The following ESRRG variants were observed in gnomAD, a reference collection of about 807,000 sequenced individuals.
ESRRG encodes the protein estrogen-related receptor gamma.
ESRRG carries 13 observed loss-of-function variants against 44.0 expected under a neutral mutation model. The ratio of observed to expected loss-of-function variants is 0.30; its 90% CI spans 0.19 to 0.47. ESRRG has a LOEUF of 0.47. Among genes scored for constraint, ESRRG ranks in the 20% least tolerant of loss-of-function variants. The pLI is 1.00. For missense variants in ESRRG, 395 were observed against 580.6 expected (o/e 0.68, Z 3.29); for synonymous variants, 215 against 214.6 (o/e 1.00, Z -0.02).
At chr1:216,676,981 ATGATACT>A in intron 2 of ESRRG, 88 bp downstream of exon 2, 2 of 853,288 alleles carry the variant, frequency 2.3e-6, no homozygotes, top group Non-Finnish European at 3.7e-6. Context: ...AATTAAAACT[ATGATACT>A]TGACTTATGA....
chr1:216,943,907 A>G (rs1445428807), intron 1 of ESRRG, among the ~76,000 whole-genome samples: 1 of 152,196 alleles, frequency 6.6e-6, no homozygotes, highest in African/African-American at 2.4e-5. Flanking sequence ...CAAGCAAGCT[A>G]CTGGATGCTG....
intron 6 of ESRRG, among the ~76,000 whole-genome samples, chr1:216,517,921 A>G (rs1472637071): frequency 6.6e-6 from 1 of 152,218 alleles, no homozygotes; most frequent in African/African-American, 2.4e-5. Context: ...CAAATAGGAA[A>G]GTACAACTCC....
intron 2 of ESRRG, among the ~76,000 whole-genome samples, chr1:216,741,467 C>T (rs1373808115): frequency 6.9e-6 from 1 of 144,554 alleles, no homozygotes; most frequent in African/African-American, 2.5e-5. Context: ...CCTACACATA[C>T]ACACACACAC....
rs1353208604 is a variant in ESRRG, at chr1:216,826,200, A to AC, written c.-14+113381_-14+113382insG. On this transcript the variant is annotated intron_variant, in intron 2 of 7. Coordinates refer to the ESRRG transcript ENST00000359162. Reference sequence around the variant, plus strand: ...AATTGTTTAAGGACAAAAAAAAAAAAAAACACACACACACACCCATAGGGA... The same window carrying AC: ...AATTGTTTAAGGACAAAAAAAAAAAACAAACACACACACACACCCATAGGGA... 9.1e-3 allele frequency among the ~76,000 whole-genome samples: 1,382 copies of AC among 151,316 alleles called. 19 individuals are homozygous for AC. Among genetic ancestry groups the AC allele is most frequent in the African/African-American group, 0.028 (1,133 of 41,170 alleles).
At chr1:216,899,849 T>C (rs951611083) in intron 2 of ESRRG, among the ~76,000 whole-genome samples, 3 of 152,070 alleles carry the variant, frequency 2.0e-5, no homozygotes, top group African/African-American at 7.2e-5. Flanking sequence ...AAGGTGAGTC[T>C]GGCAGATGCT....
intron 2 of ESRRG, among the ~76,000 whole-genome samples, chr1:216,932,136 A>C (rs1021839145): frequency 6.6e-5 from 10 of 152,160 alleles, no homozygotes; most frequent in African/African-American, 2.4e-4. Flanking sequence ...TCCAGGAGGC[A>C]GAAGTTGCAG....
intron 5 of ESRRG, among the ~76,000 whole-genome samples, chr1:216,536,773 T>A (rs900078094): frequency 3.3e-5 from 5 of 152,104 alleles, no homozygotes; most frequent in African/African-American, 1.2e-4. Flanking sequence ...CCATTTATCA[T>A]GAGCTGGGCA....
intron 3 of ESRRG, among the ~76,000 whole-genome samples, chr1:216,601,093 A>AGCGGGTTGGGGAGCAAGG (rs1282850687): frequency 7.2e-5 from 11 of 152,234 alleles, no homozygotes; most frequent in African/African-American, 2.6e-4. Flanking sequence ...GGGCGGCAGC[A>AGCGGGTTGGGGAGCAAGG]GCGGGTTGGG....
At chr1:217,060,484 C>T (rs2088136857) in intron 1 of ESRRG, among the ~76,000 whole-genome samples, 1 of 152,056 alleles carries the variant, frequency 6.6e-6, no homozygotes, top group East Asian at 1.9e-4. Flanking sequence ...ACTTGATTCT[C>T]CTATTTGGAT....
At chr1:217,008,672 C>G (rs925443254) in intron 1 of ESRRG, among the ~76,000 whole-genome samples, 9 of 152,218 alleles carry the variant, frequency 5.9e-5, no homozygotes, top group Non-Finnish European at 1.3e-4. Context: ...AGCATCCCAA[C>G]TTCTACTACA....
chr1:216,702,964 T>A (rs747426985), intron 1 of ESRRG, among the ~76,000 whole-genome samples: 26 of 152,110 alleles, frequency 1.7e-4, no homozygotes, highest in Non-Finnish European at 2.6e-4. Context: ...TGCCAGTATA[T>A]CTTAAATTTT....
intron 1 of ESRRG, among the ~76,000 whole-genome samples, chr1:216,965,940 T>C (rs1407015366): frequency 6.6e-6 from 1 of 152,150 alleles, no homozygotes; most frequent in Non-Finnish European, 1.5e-5. Context: ...CCTGGGGGTC[T>C]TGTTCCAATG....
chr1:217,109,149 A>G (rs1449099380), intron 1 of ESRRG, among the ~76,000 whole-genome samples: 3 of 152,202 alleles, frequency 2.0e-5, no homozygotes, highest in Non-Finnish European at 4.4e-5. Context: ...AGAGCAAAGT[A>G]TCAGCTGGTT....
rs115191991 is a variant in ESRRG, at chr1:216,995,652, T to C, written c.-105-55979A>G. ...AATTCTAGGTTGGGTGTTATTCTTA[T>C]AGCCCTATCATTTCACTTTCCACCT... On this transcript the variant is annotated intron_variant, in intron 1 of 7. Coordinates refer to the ESRRG transcript ENST00000359162. 8.5e-4 allele frequency among the ~76,000 whole-genome samples: 130 copies of C among 152,350 alleles called. 1 individual carries two copies. The highest frequency in any genetic ancestry group is 1.5e-3 in the Non-Finnish European group (101 of 68,024).
intron 3 of ESRRG, among the ~76,000 whole-genome samples, chr1:216,609,724 A>G (rs1430153583): frequency 6.6e-6 from 1 of 152,238 alleles, no homozygotes; most frequent in African/African-American, 2.4e-5. Flanking sequence ...TCTGCCATGA[A>G]AAAGACAGGA....
chr1:216,680,830 G>A (rs942343104), intron 1 of ESRRG, among the ~76,000 whole-genome samples: 2 of 152,158 alleles, frequency 1.3e-5, no homozygotes, highest in African/African-American at 4.8e-5. Flanking sequence ...CAGCTGGTGG[G>A]TTTTATTCTA....
intron 1 of ESRRG, among the ~76,000 whole-genome samples, chr1:216,979,586 A>G (rs1227839084): frequency 6.6e-6 from 1 of 152,096 alleles, no homozygotes; most frequent in Admixed American, 6.6e-5. Flanking sequence ...AGGATCACCT[A>G]CTTACTAGCT....
chr1:217,019,343 G>A (rs2079933292), intron 1 of ESRRG, among the ~76,000 whole-genome samples: 1 of 152,138 alleles, frequency 6.6e-6, no homozygotes, highest in Non-Finnish European at 1.5e-5. Context: ...GAGGACTTAG[G>A]TCCATAGAAT....
intron 5 of ESRRG, among the ~76,000 whole-genome samples, chr1:216,547,773 C>T (rs2055008319): frequency 6.6e-6 from 1 of 151,992 alleles, no homozygotes; most frequent in African/African-American, 2.4e-5. Flanking sequence ...GCAACATTCC[C>T]TTTAGCCGGC....
Sources: gnomAD v4.1 joint callset for allele counts (sites outside exome capture counted in the v4.1 genomes callset) on GRCh38, gnomAD v4.1.1 for gene constraint, MANE v1.5 for transcripts, NCBI Gene and HGNC (gene_info 2026-07-23, HGNC 2026-07-21) for gene names.